The following ANKH variants were observed in gnomAD, a reference collection of about 807,000 sequenced individuals.
The protein encoded by ANKH is ANKH inorganic pyrophosphate transport regulator.
Under a neutral mutation model 49.0 loss-of-function variants are expected in ANKH, and 15 were observed. The observed-to-expected ratio is 0.31, with a 90% CI of 0.20 to 0.47. The LOEUF is 0.47. Among genes scored for constraint, ANKH ranks in the 20% least tolerant of loss-of-function variants. ANKH has a pLI of 1.00. For synonymous variants in ANKH, 273 were observed against 260.0 expected, an observed-to-expected ratio of 1.05 and a Z score of -0.48; for missense variants, 429 against 652.0, an observed-to-expected ratio of 0.66 and a Z score of 3.72.
chr5:14,731,010 G>A (rs929622674), intron 8 of ANKH, among the ~76,000 whole-genome samples: 3 of 152,188 alleles, frequency 2.0e-5, no homozygotes, highest in East Asian at 1.9e-4. Context: ...CGGGGCCCTC[G>A]AGGCCAAGGC....
At chr5:14,756,883 G>A (rs990035080) in intron 3 of ANKH, among the ~76,000 whole-genome samples, 2 of 152,092 alleles carry the variant, frequency 1.3e-5, no homozygotes, top group African/African-American at 4.8e-5. Context: ...CAGGGTCTCT[G>A]GGGGAACTTA....
chr5:14,829,184 C>CAAAAAAAAAAAAAAAAAA (rs56223225), intron 1 of ANKH, among the ~76,000 whole-genome samples: 1 of 106,022 alleles, frequency 9.4e-6, no homozygotes, highest in Non-Finnish European at 2.0e-5. Flanking sequence ...GACTCTGTCT[C>CAAAAAAAAAAAAAAAAAA]AAAAAAAAAA....
chr5:14,854,386 A>C (rs1742199639), intron 1 of ANKH, among the ~76,000 whole-genome samples: 1 of 152,158 alleles, frequency 6.6e-6, no homozygotes, highest in African/African-American at 2.4e-5. Context: ...AGCTCTTTTA[A>C]AGCTTGGTGG....
chr5:14,781,465 G>A (rs1001213537), intron 1 of ANKH, among the ~76,000 whole-genome samples: 2 of 152,134 alleles, frequency 1.3e-5, no homozygotes, highest in Non-Finnish European at 2.9e-5. Flanking sequence ...TAAGAATAGG[G>A]ACAAACAACC....
intron 1 of ANKH, among the ~76,000 whole-genome samples, chr5:14,866,309 T>C (rs1269449083): frequency 6.6e-6 from 1 of 152,156 alleles, no homozygotes; most frequent in Non-Finnish European, 1.5e-5. Context: ...CCTGGCACCA[T>C]TTCTCCTTTG....
chr5:14,739,440 T>C (rs1738286071), intron 8 of ANKH, among the ~76,000 whole-genome samples: 1 of 151,904 alleles, frequency 6.6e-6, no homozygotes, highest in Non-Finnish European at 1.5e-5. Flanking sequence ...AAGAGAAAAA[T>C]CTCCCTTTAT....
chr5:14,727,980 G>A (rs1357676635), intron 8 of ANKH, among the ~76,000 whole-genome samples: 2 of 152,154 alleles, frequency 1.3e-5, no homozygotes, highest in African/African-American at 2.4e-5. Context: ...CTTATTATGA[G>A]GGCTTAGGTA....
intron 1 of ANKH, among the ~76,000 whole-genome samples, chr5:14,845,088 G>T (rs1419520164): frequency 1.3e-5 from 2 of 150,676 alleles, no homozygotes; most frequent in African/African-American, 2.4e-5. Context: ...CTTTAATAAG[G>T]TATCTGACCC....
rs1739565908 is a variant in ANKH at position 14,774,972 on chromosome 5, AC to A, written c.97-5782del. Among the ~76,000 whole-genome samples, 3 of 151,942 alleles carry A rather than the reference AC, an allele frequency of 2.0e-5. No homozygotes were observed. In the South Asian group the frequency reaches 6.2e-4, roughly 32 times the overall value. On this transcript the variant is annotated intron_variant, in intron 1 of 11. Coordinates refer to ENST00000284268, the MANE Select transcript of ANKH (RefSeq NM_054027.6). ...TTATTCACAGAAAGTATGATTCAAG[AC>A]CCCCAGTGGATGCCTGAAACCTCGG...
chr5:14,837,424 C>A (rs921985394), intron 1 of ANKH, among the ~76,000 whole-genome samples: 17 of 152,046 alleles, frequency 1.1e-4, no homozygotes, highest in African/African-American at 4.1e-4. Flanking sequence ...AACAAATTTA[C>A]AAGAAAAAAT....
At chr5:14,858,875 T>C (rs1174930094) in intron 1 of ANKH, among the ~76,000 whole-genome samples, 2 of 151,922 alleles carry the variant, frequency 1.3e-5, no homozygotes, top group Non-Finnish European at 2.9e-5. Flanking sequence ...TTTGATACTT[T>C]TCCTTCTTTT....
intron 1 of ANKH, among the ~76,000 whole-genome samples, chr5:14,852,259 G>T (rs905918765): frequency 2.0e-5 from 3 of 152,220 alleles, no homozygotes; most frequent in African/African-American, 7.2e-5. Flanking sequence ...TCCAGCCTGG[G>T]TGACAGTGAG....
intron 8 of ANKH, among the ~76,000 whole-genome samples, chr5:14,736,296 C>T (rs745858217): frequency 1.4e-4 from 21 of 152,288 alleles, no homozygotes; most frequent in Non-Finnish European, 2.6e-4. Context: ...ACCTCTGCGT[C>T]ATCAGAATGT....
At chr5:14,758,346 A>G (rs894951460) in intron 3 of ANKH, 134 bp downstream of exon 3, 5 of 735,682 alleles carry the variant, frequency 6.8e-6, no homozygotes, top group Non-Finnish European at 1.2e-5. Flanking sequence ...AAGATTGGTT[A>G]CACAATAATG....
chr5:14,851,308 C>T (rs750873339), intron 1 of ANKH, among the ~76,000 whole-genome samples: 19 of 152,194 alleles, frequency 1.2e-4, no homozygotes, highest in Non-Finnish European at 2.1e-4. Flanking sequence ...CTCCGCCTTC[C>T]TCTGTGCTCC....
At chr5:14,734,005 G>C (rs1424399341) in intron 8 of ANKH, among the ~76,000 whole-genome samples, 1 of 152,178 alleles carries the variant, frequency 6.6e-6, no homozygotes, top group East Asian at 1.9e-4. Flanking sequence ...CATGGAAGTC[G>C]ATCAATGAAG....
At chr5:14,793,031 T>C (rs1410150043) in intron 1 of ANKH, among the ~76,000 whole-genome samples, 2 of 75,096 alleles carry the variant, frequency 2.7e-5, no homozygotes, top group Non-Finnish European at 4.9e-5. Context: ...AATATATATA[T>C]ATAAAAATAT....
At chr5:14,799,402 T>C (rs778488252) in intron 1 of ANKH, among the ~76,000 whole-genome samples, 15 of 152,340 alleles carry the variant, frequency 9.8e-5, no homozygotes, top group Non-Finnish European at 1.8e-4. Context: ...ATTTTCAAGG[T>C]AGACAAAACA....
chr5:14,718,923 C>G (rs1487602359), intron 8 of ANKH, among the ~76,000 whole-genome samples: 2 of 150,786 alleles, frequency 1.3e-5, no homozygotes, highest in Non-Finnish European at 2.9e-5. Context: ...AAGCCTACCA[C>G]AGAGACAGAG....
Sources: gnomAD v4.1 joint callset for allele counts (sites outside exome capture counted in the v4.1 genomes callset) on GRCh38, gnomAD v4.1.1 for gene constraint, MANE v1.5 for transcripts, NCBI Gene and HGNC (gene_info 2026-07-23, HGNC 2026-07-21) for gene names.